The following DNAH3 variants were observed in gnomAD, a reference collection of about 807,000 sequenced individuals.
DNAH3 encodes axonemal beta dynein heavy chain 3.
Under a neutral mutation model 432.5 loss-of-function variants are expected in DNAH3, and 332 were observed. The observed-to-expected ratio is 0.77, with a 90% CI of 0.70 to 0.84. The LOEUF (loss-of-function observed/expected upper bound fraction) is 0.84. DNAH3 is among the 40% of genes least tolerant of loss of function. The pLI is 0.00. For synonymous variants in DNAH3, 1,956 were observed against 1,900.2 expected, an observed-to-expected ratio of 1.03 and a Z score of -0.76; for missense variants, 4,861 against 5,114.0, an observed-to-expected ratio of 0.95 and a Z score of 1.51.
At chr16:20,997,836 A>G (rs1035826687) in intron 43 of DNAH3, among the ~76,000 whole-genome samples, 1 of 74,456 alleles carries the variant, frequency 1.3e-5, no homozygotes, top group Admixed American at 1.2e-4. Context: ...CTGTCTCCAT[A>G]AAAAAAAAAA....
chr16:20,987,361 A>G, exon 47 of DNAH3: 2 of 1,614,200 alleles, frequency 1.2e-6, no homozygotes, highest in South Asian at 2.2e-5. Context: ...ATGTTGAAAA[A>G]GACCTGTCTG....
In DNAH3 at chr16:21,085,798, C is replaced by T. The variant is rs916450392; in HGVS notation, c.2877+1051G>A. Among the ~76,000 whole-genome samples, 33 of 151,668 alleles carry T rather than the reference C, an allele frequency of 2.2e-4. 1 individual carries two copies. In the East Asian group the frequency reaches 2.7e-3, roughly 12 times the overall value. Reference sequence around the variant, plus strand: ...TCAGTCTTATACGTGGCTTTTTTGTCCCCCCGTTACCCAGGCTGGAGTGCA... The same window carrying T: ...TCAGTCTTATACGTGGCTTTTTTGTTCCCCCGTTACCCAGGCTGGAGTGCA... On this transcript the variant is annotated intron_variant, in intron 19 of 61. Transcript: ENST00000261383.
chr16:21,047,988 G>A lies in DNAH3; in HGVS notation c.4461+1581C>T, dbSNP rs1268207326. On this transcript the variant is annotated intron_variant, in intron 31 of 61. Transcript: ENST00000261383. ...GGGGTGCCTCCCAGTTAGGCTGCTC[G>A]GGGGTCAGGGGTCAGGGACCCACTT... Among the ~76,000 whole-genome samples the A allele has an allele frequency of 5.9e-5, 9 of 152,224 alleles. No individual in the cohort carries two copies. The South Asian group carries it at 6.2e-4, about 11-fold the overall frequency.
chr16:21,095,781 T>C (rs1226435675), intron 18 of DNAH3, among the ~76,000 whole-genome samples: 1 of 152,220 alleles, frequency 6.6e-6, no homozygotes. Flanking sequence ...ACTGTTTTTT[T>C]TGAGACAGGG....
chr16:21,033,896 C>T, intron 36 of DNAH3, 78 bp downstream of exon 36: 1 of 958,716 alleles, frequency 1.0e-6, no homozygotes, highest in Non-Finnish European at 1.6e-6. Flanking sequence ...AGACTAGCAG[C>T]CTGGCATTAT....
intron 52 of DNAH3, among the ~76,000 whole-genome samples, chr16:20,965,704 CATTTT>C (rs763748458): frequency 3.3e-5 from 5 of 152,044 alleles, no homozygotes; most frequent in East Asian, 1.9e-4. Flanking sequence ...CCTCAGGCCT[CATTTT>C]ATTTATTCAT....
chr16:20,984,835 A>G (rs1333429593), intron 48 of DNAH3, among the ~76,000 whole-genome samples: 1 of 151,986 alleles, frequency 6.6e-6, no homozygotes, highest in Non-Finnish European at 1.5e-5. Context: ...ACTGCACTCC[A>G]GCCTGGGCAA....
rs559707038 is a variant in DNAH3 at position 21,048,338 on chromosome 16, C to T, written c.4461+1231G>A. On this transcript the variant is annotated intron_variant, in intron 31 of 61. Coordinates refer to ENST00000261383, the Ensembl canonical transcript of DNAH3. Reference sequence around the variant, plus strand: ...CTAGCAATCAGCGAGACTCCGTGGGCGTAGGACCCTCCGAGCCAGGTGCAG... The same window carrying T: ...CTAGCAATCAGCGAGACTCCGTGGGTGTAGGACCCTCCGAGCCAGGTGCAG... Among the ~76,000 whole-genome samples, 37 of 152,316 alleles carry T rather than the reference C, an allele frequency of 2.4e-4. 1 individual carries two copies. The South Asian group carries it at 3.7e-3, about 15-fold the overall frequency.
intron 23 of DNAH3, 56 bp downstream of exon 23, chr16:21,069,359 A>C: frequency 6.7e-7 from 1 of 1,498,950 alleles, no homozygotes; most frequent in Non-Finnish European, 9.2e-7. Context: ...TAGAATGCAT[A>C]ATGAGGAAAC....
At chr16:21,009,928 G>A (rs1035270212) in intron 41 of DNAH3, among the ~76,000 whole-genome samples, 22 of 139,774 alleles carry the variant, frequency 1.6e-4, no homozygotes, top group African/African-American at 5.8e-4. Context: ...GAGGGGAGGG[G>A]AGGGGAGGGG....
intron 23 of DNAH3, among the ~76,000 whole-genome samples, chr16:21,068,345 C>G (rs1424560656): frequency 6.7e-6 from 1 of 148,974 alleles, no homozygotes; most frequent in African/African-American, 2.4e-5. Flanking sequence ...GACAGAGTCT[C>G]GCTCTGTTGC....
chr16:20,959,192 T>C, exon 54 of DNAH3: 1 of 1,614,174 alleles, frequency 6.2e-7, no homozygotes, highest in South Asian at 1.1e-5. Context: ...AATCTGGCAT[T>C]GGTGCTCTCA....
intron 21 of DNAH3, 129 bp from the exon 22 acceptor site, chr16:21,070,955 G>T: frequency 1.7e-6 from 1 of 599,396 alleles, no homozygotes; most frequent in Non-Finnish European, 3.0e-6. Context: ...CTCAATCCTA[G>T]CTCACTGCAG....
chr16:21,074,013 T>C (rs1488485908), intron 21 of DNAH3, among the ~76,000 whole-genome samples: 1 of 152,206 alleles, frequency 6.6e-6, no homozygotes, highest in African/African-American at 2.4e-5. Context: ...CTTTCGATGG[T>C]TCCAAAGTCA....
At chr16:21,015,731 T>G (rs2087826223) in intron 41 of DNAH3, among the ~76,000 whole-genome samples, 1 of 152,158 alleles carries the variant, frequency 6.6e-6, no homozygotes, top group South Asian at 2.1e-4. Flanking sequence ...TATTAAAACT[T>G]TTTTTAAAGG....
intron 32 of DNAH3, among the ~76,000 whole-genome samples, chr16:21,041,058 C>G (rs1185167008): frequency 1.3e-5 from 2 of 152,094 alleles, no homozygotes; most frequent in Admixed American, 6.6e-5. Flanking sequence ...GGGGTGCTTA[C>G]AAATACTGGG....
intron 29 of DNAH3, 35 bp downstream of exon 29, chr16:21,051,635 G>C (rs768551712): frequency 1.2e-6 from 2 of 1,605,498 alleles, no homozygotes; most frequent in South Asian, 1.1e-5. Flanking sequence ...GGAGTTCTCC[G>C]TTCACCCCTC....
At chr16:21,025,962 C>T (rs980120422) in intron 38 of DNAH3, among the ~76,000 whole-genome samples, 3 of 152,092 alleles carry the variant, frequency 2.0e-5, no homozygotes, top group African/African-American at 7.2e-5. Context: ...TGGTCTCAAA[C>T]TCCTGACCTC....
intron 1 of DNAH3, among the ~76,000 whole-genome samples, chr16:21,149,474 G>A (rs1472934066): frequency 2.0e-5 from 3 of 152,200 alleles, no homozygotes; most frequent in Non-Finnish European, 4.4e-5. Context: ...GTCACTTTGG[G>A]CAGCTTATTG....
Sources: gnomAD v4.1 joint callset for allele counts (sites outside exome capture counted in the v4.1 genomes callset) on GRCh38, gnomAD v4.1.1 for gene constraint, MANE v1.5 for transcripts, NCBI Gene and HGNC (gene_info 2026-07-23, HGNC 2026-07-21) for gene names.